The following LRMDA variants were observed in gnomAD, a reference collection of about 807,000 sequenced individuals.
LRMDA encodes leucine-rich melanocyte differentiation-associated protein.
In LRMDA, 18 loss-of-function variants were observed where a neutral mutation model predicts 29.8. The observed-to-expected ratio is 0.60, with a 90% confidence interval of 0.42 to 0.90. The LOEUF (loss-of-function observed/expected upper bound fraction) is 0.90. Ranked by LOEUF, LRMDA falls within the 40% of genes least tolerant of loss-of-function variation. The pLI is 0.00. For missense variants in LRMDA, 273 were observed against 273.9 expected, an observed-to-expected ratio of 1.00 and a Z score of 0.02; for synonymous variants, 125 against 109.4, an observed-to-expected ratio of 1.14 and a Z score of -0.89.
At chr10:75,617,128 CT>C (rs1458775841) in intron 2 of LRMDA, among the ~76,000 whole-genome samples, 1 of 152,154 alleles carries the variant, frequency 6.6e-6, no homozygotes, top group Non-Finnish European at 1.5e-5. Flanking sequence ...GCTGGAGCTA[CT>C]TTATCAGATA....
At position 76,422,459 on chromosome 10, in the gene LRMDA, T is replaced by A. The variant is rs1228349662; in HGVS notation, c.601+97974T>A. 6.6e-5 allele frequency among the ~76,000 whole-genome samples: 10 copies of A among 152,184 alleles called. No individual in the cohort carries two copies. The East Asian group carries it at 1.9e-3, about 29-fold the overall frequency. ...TCATCAAATTATTTTATTCACACTT[T>A]ACAGATCTTGAATTTGAGGCTAAAT... On this transcript the variant is annotated intron_variant, in intron 6 of 6. Coordinates refer to ENST00000611255, the MANE Select transcript of LRMDA (RefSeq NM_001305581.2).
chr10:76,232,579 C>T lies in LRMDA; in HGVS notation c.517-91822C>T, dbSNP rs1589386502. 3.3e-5 allele frequency among the ~76,000 whole-genome samples: 5 copies of T among 152,346 alleles called. 1 individual carries two copies. In the South Asian group the frequency reaches 1.0e-3, roughly 32 times the overall value. The stretch of plus-strand genomic sequence containing the variant: ...TGGTCACCGTGCAAGCTGGAGACCT[C>T]TGGCCAGCGATGCCCTACCCTGGCC... On this transcript the variant is annotated intron_variant, in intron 5 of 6. Coordinates refer to ENST00000611255, the MANE Select transcript of LRMDA (RefSeq NM_001305581.2).
At chr10:76,393,662 T>C (rs1157695260) in intron 6 of LRMDA, among the ~76,000 whole-genome samples, 1 of 152,196 alleles carries the variant, frequency 6.6e-6, no homozygotes, top group African/African-American at 2.4e-5. Context: ...GCTTTTTAGT[T>C]TGATGTAATC....
In LRMDA at chr10:76,158,215, A is replaced by G. The variant is rs565789116; in HGVS notation, c.516+99432A>G. On this transcript the variant is annotated intron_variant, in intron 5 of 6. Transcript: ENST00000611255. ...CTAGGGACTTTGATCTACACATTGT[A>G]CTTTAGACAGACCATTTAACCTGCA... 3.9e-5 allele frequency among the ~76,000 whole-genome samples: 6 copies of G among 152,230 alleles called. No individual in the cohort carries two copies. In the East Asian group the frequency reaches 7.7e-4, roughly 20 times the overall value.
intron 5 of LRMDA, among the ~76,000 whole-genome samples, chr10:76,322,244 G>C (rs768500405): frequency 2.6e-5 from 4 of 151,970 alleles, no homozygotes; most frequent in Non-Finnish European, 5.9e-5. Flanking sequence ...CTAATCCTAA[G>C]GTTCAGAGAA....
intron 5 of LRMDA, among the ~76,000 whole-genome samples, chr10:76,089,947 G>C (rs1849203623): frequency 6.6e-6 from 1 of 152,156 alleles, no homozygotes; most frequent in South Asian, 2.1e-4. Context: ...CCCACGGGTT[G>C]GTTATGATGT....
At chr10:75,794,611 A>G (rs1843621645) in intron 2 of LRMDA, among the ~76,000 whole-genome samples, 1 of 152,178 alleles carries the variant, frequency 6.6e-6, no homozygotes, top group Admixed American at 6.6e-5. Context: ...TAGTGTCGTC[A>G]GTCTTTTGAC....
chr10:76,542,449 C>A (rs919079782), intron 6 of LRMDA, among the ~76,000 whole-genome samples: 5 of 152,042 alleles, frequency 3.3e-5, no homozygotes, highest in Admixed American at 3.3e-4. Context: ...TGATACACTG[C>A]CGTGATGAGA....
intron 2 of LRMDA, among the ~76,000 whole-genome samples, chr10:75,864,858 T>G (rs1844994430): frequency 6.6e-6 from 1 of 152,226 alleles, no homozygotes; most frequent in South Asian, 2.1e-4. Flanking sequence ...GGTTTAGAAT[T>G]ATGAATTATG....
intron 2 of LRMDA, among the ~76,000 whole-genome samples, chr10:75,810,885 G>A (rs916256055): frequency 6.6e-6 from 1 of 152,168 alleles, no homozygotes; most frequent in African/African-American, 2.4e-5. Context: ...TTTAAAACTT[G>A]CAAACATCCT....
At chr10:75,582,868 A>C (rs924008158) in intron 2 of LRMDA, among the ~76,000 whole-genome samples, 3 of 152,064 alleles carry the variant, frequency 2.0e-5, no homozygotes, top group Non-Finnish European at 4.4e-5. Context: ...CATACTGAAC[A>C]CTTTGCTTCT....
intron 2 of LRMDA, among the ~76,000 whole-genome samples, chr10:75,593,566 A>G (rs1840748862): frequency 6.6e-6 from 1 of 152,230 alleles, no homozygotes; most frequent in Non-Finnish European, 1.5e-5. Flanking sequence ...AAGTATACGA[A>G]TGGATAGTTT....
chr10:76,014,159 T>A (rs1414847629), intron 2 of LRMDA, among the ~76,000 whole-genome samples: 2 of 141,028 alleles, frequency 1.4e-5, no homozygotes, highest in Admixed American at 7.2e-5. Context: ...TATATATATA[T>A]AATTATATAT....
At chr10:75,730,312 A>G (rs1222192118) in intron 2 of LRMDA, among the ~76,000 whole-genome samples, 1 of 151,656 alleles carries the variant, frequency 6.6e-6, no homozygotes, top group African/African-American at 2.4e-5. Flanking sequence ...GTTCACGTAG[A>G]TCTCAAATAT....
At chr10:76,008,956 A>G (rs1006620705) in intron 2 of LRMDA, among the ~76,000 whole-genome samples, 1 of 152,218 alleles carries the variant, frequency 6.6e-6, no homozygotes, top group Non-Finnish European at 1.5e-5. Context: ...AGCCTATGGC[A>G]TAGATATATC....
intron 2 of LRMDA, among the ~76,000 whole-genome samples, chr10:75,858,152 C>A (rs143325187): frequency 6.6e-6 from 1 of 152,134 alleles, no homozygotes; most frequent in African/African-American, 2.4e-5. Context: ...GAGGCCCCCC[C>A]GTACCAGCCC....
At chr10:76,081,921 T>C (rs148448811) in intron 5 of LRMDA, among the ~76,000 whole-genome samples, 62 of 152,342 alleles carry the variant, frequency 4.1e-4, no homozygotes, top group African/African-American at 1.4e-3. Flanking sequence ...TCACATTTAA[T>C]AGACAATATC....
chr10:75,583,041 T>G (rs570492373), intron 2 of LRMDA, among the ~76,000 whole-genome samples: 1 of 152,326 alleles, frequency 6.6e-6, no homozygotes, highest in African/African-American at 2.4e-5. Flanking sequence ...GACTTCATTG[T>G]CCATATAACT....
chr10:75,997,706 T>C (rs1411094042), intron 2 of LRMDA, among the ~76,000 whole-genome samples: 1 of 152,214 alleles, frequency 6.6e-6, no homozygotes, highest in Non-Finnish European at 1.5e-5. Flanking sequence ...CTCACCTTGC[T>C]GGCACTCTTA....
Sources: gnomAD v4.1 joint callset for allele counts (sites outside exome capture counted in the v4.1 genomes callset) on GRCh38, gnomAD v4.1.1 for gene constraint, MANE v1.5 for transcripts, NCBI Gene and HGNC (gene_info 2026-07-23, HGNC 2026-07-21) for gene names.